Variants in KIAA0825 observed in about 807,000 individuals in gnomAD.
KIAA0825 encodes the protein uncharacterized protein KIAA0825.
KIAA0825 carries 119 observed loss-of-function variants against 147.6 expected under a neutral mutation model. The ratio of observed to expected loss-of-function variants is 0.81; its 90% CI spans 0.69 to 0.94. The LOEUF (loss-of-function observed/expected upper bound fraction) is 0.94. Ranked by LOEUF, KIAA0825 falls within the 40% of genes least tolerant of loss-of-function variation. The pLI is 0.00. For missense variants in KIAA0825, 1,381 were observed against 1,472.7 expected (o/e 0.94, Z 1.02); for synonymous variants, 470 against 518.1 (o/e 0.91, Z 1.26).
intron 20 of KIAA0825, among the ~76,000 whole-genome samples, chr5:94,230,614 C>A (rs553007312): frequency 6.6e-6 from 1 of 152,244 alleles, no homozygotes; most frequent in African/African-American, 2.4e-5. Context: ...AATACCATTT[C>A]TGTTATTTTT....
At chr5:94,606,492 C>T (rs1312577883) in intron 1 of KIAA0825, among the ~76,000 whole-genome samples, 1 of 152,104 alleles carries the variant, frequency 6.6e-6, no homozygotes, top group East Asian at 1.9e-4. Flanking sequence ...ACGGTGTTAC[C>T]TAACTTCAAA....
chr5:94,521,442 CT>C (rs36075137), intron 4 of KIAA0825, among the ~76,000 whole-genome samples: 20 of 151,774 alleles, frequency 1.3e-4, no homozygotes, highest in African/African-American at 4.8e-4. Flanking sequence ...CTGGGGGTTA[CT>C]AAAATATACC....
chr5:94,579,961 C>T (rs1444942767), intron 2 of KIAA0825, among the ~76,000 whole-genome samples: 1 of 152,102 alleles, frequency 6.6e-6, no homozygotes, highest in Non-Finnish European at 1.5e-5. Context: ...AATTACTTCT[C>T]GCCTTTGAGA....
At chr5:94,535,247 C>G (rs967571771) in intron 3 of KIAA0825, among the ~76,000 whole-genome samples, 4 of 152,026 alleles carry the variant, frequency 2.6e-5, no homozygotes, top group Non-Finnish European at 5.9e-5. Flanking sequence ...TGGTGGCTCA[C>G]GCCTATAATC....
chr5:94,160,809 T>C (rs1017250105), intron 20 of KIAA0825, among the ~76,000 whole-genome samples: 1 of 152,070 alleles, frequency 6.6e-6, no homozygotes, highest in Non-Finnish European at 1.5e-5. Flanking sequence ...TTGGATTTTA[T>C]TCTTCAAGAA....
chr5:94,256,344 A>C (rs1776254565), intron 20 of KIAA0825, among the ~76,000 whole-genome samples: 1 of 152,100 alleles, frequency 6.6e-6, no homozygotes, highest in Non-Finnish European at 1.5e-5. Flanking sequence ...TAGCCTTCTG[A>C]GCTCTATGGG....
chr5:94,559,952 T>C lies in KIAA0825; in HGVS notation c.-2+22481A>G, dbSNP rs1584890513. Among the ~76,000 whole-genome samples the C allele has an allele frequency of 3.9e-5, 6 of 152,218 alleles. No homozygotes were observed. The South Asian group carries it at 1.2e-3, about 32-fold the overall frequency. ...AACATGCATCCATAAAGAATCTGCA[T>C]TAATGCAGCCAGGCCTTCTCTTGTC... On this transcript the variant is annotated intron_variant, in intron 2 of 20. Coordinates refer to ENST00000682413, the MANE Select transcript of KIAA0825 (RefSeq NM_001145678.3).
chr5:94,307,796 A>G lies in KIAA0825; in HGVS notation c.3710+76572T>C, dbSNP rs368853843. Among the ~76,000 whole-genome samples the G allele has an allele frequency of 5.9e-5, 9 of 151,836 alleles. No homozygotes were observed. The East Asian group carries it at 1.6e-3, about 26-fold the overall frequency. On this transcript the variant is annotated intron_variant, in intron 20 of 20. Coordinates refer to ENST00000682413, the MANE Select transcript of KIAA0825 (RefSeq NM_001145678.3). The stretch of plus-strand genomic sequence containing the variant: ...TGTCATTTGGTACTTATTCCACCAT[A>G]TATTATATTTTCGTTATCTTAAAAT...
chr5:94,579,314 C>T lies in KIAA0825; in HGVS notation c.-2+3119G>A, dbSNP rs79922945. Among the ~76,000 whole-genome samples the T allele has an allele frequency of 3.7e-3, 568 of 152,274 alleles. 4 individuals are homozygous for T. Among genetic ancestry groups the T allele is most frequent in the African/African-American group, 0.013 (544 of 41,544 alleles). ...TACTACATCCGTAAACGAGTGAGAA[C>T]ATTAAAGGGTTGTTACCAAGATTAC... On this transcript the variant is annotated intron_variant, in intron 2 of 20. Transcript: ENST00000682413.
chr5:94,596,894 T>C (rs968066390), intron 1 of KIAA0825, among the ~76,000 whole-genome samples: 2 of 152,196 alleles, frequency 1.3e-5, no homozygotes, highest in Non-Finnish European at 2.9e-5. Flanking sequence ...TGTTGGTATA[T>C]AGGAATGCTA....
chr5:94,535,507 A>C (rs1771806533), intron 3 of KIAA0825, among the ~76,000 whole-genome samples: 1 of 151,462 alleles, frequency 6.6e-6, no homozygotes, highest in Non-Finnish European at 1.5e-5. Flanking sequence ...AAAAAAAAAA[A>C]AAAAAAAAAA....
chr5:94,217,704 A>G (rs961796551), intron 20 of KIAA0825, among the ~76,000 whole-genome samples: 24 of 152,224 alleles, frequency 1.6e-4, no homozygotes, highest in Admixed American at 4.6e-4. Flanking sequence ...GTATTTAGAT[A>G]TCAGTGTTTT....
chr5:94,188,899 A>G (rs1486362586), intron 20 of KIAA0825, among the ~76,000 whole-genome samples: 2 of 152,198 alleles, frequency 1.3e-5, no homozygotes, highest in Non-Finnish European at 2.9e-5. Context: ...ACACTGTATG[A>G]AAGTTTCAAT....
intron 20 of KIAA0825, among the ~76,000 whole-genome samples, chr5:94,279,541 C>T (rs1022351343): frequency 6.6e-6 from 1 of 152,002 alleles, no homozygotes; most frequent in African/African-American, 2.4e-5. Flanking sequence ...ATCCATCATT[C>T]CTCTTCCCGC....
intron 20 of KIAA0825, among the ~76,000 whole-genome samples, chr5:94,221,945 G>A (rs545833785): frequency 8.6e-5 from 13 of 152,022 alleles, no homozygotes; most frequent in African/African-American, 1.9e-4. Flanking sequence ...TCTCACCCAC[G>A]CCTTTGCCCG....
intron 1 of KIAA0825, chr5:94,593,044 A>G: frequency 1.5e-6 from 1 of 683,412 alleles, no homozygotes; most frequent in Admixed American, 1.9e-5. Flanking sequence ...TGAGTATGTC[A>G]GAGACCATTC....
chr5:94,545,465 A>G (rs954887721), intron 2 of KIAA0825, among the ~76,000 whole-genome samples: 1 of 152,158 alleles, frequency 6.6e-6, no homozygotes, highest in African/African-American at 2.4e-5. Context: ...CTTCTGCTTA[A>G]GGAGAGGAGA....
At chr5:94,222,258 T>C (rs1195161254) in intron 20 of KIAA0825, among the ~76,000 whole-genome samples, 1 of 152,182 alleles carries the variant, frequency 6.6e-6, no homozygotes, top group Non-Finnish European at 1.5e-5. Context: ...TCTTGGGCCT[T>C]TCTCTCCTCT....
intron 20 of KIAA0825, among the ~76,000 whole-genome samples, chr5:94,220,606 G>A (rs1257520101): frequency 6.6e-6 from 1 of 152,060 alleles, no homozygotes; most frequent in Non-Finnish European, 1.5e-5. Flanking sequence ...TAGGCAATAG[G>A]AATTTTTCAG....
Sources: gnomAD v4.1 joint callset for allele counts (sites outside exome capture counted in the v4.1 genomes callset) on GRCh38, gnomAD v4.1.1 for gene constraint, MANE v1.5 for transcripts, NCBI Gene and HGNC (gene_info 2026-07-23, HGNC 2026-07-21) for gene names.